Variants in POLH observed in about 807,000 individuals in gnomAD.
POLH encodes DNA polymerase eta.
A neutral mutation model predicts 73.6 loss-of-function variants in POLH; 53 were observed. The observed-to-expected ratio is 0.72, with a 90% CI of 0.58 to 0.91. The LOEUF (loss-of-function observed/expected upper bound fraction) is 0.91, where lower values mean the gene tolerates loss of function less well. Among genes scored for constraint, POLH ranks in the 40% least tolerant of loss-of-function variants. The probability of loss-of-function intolerance (pLI) is 0.00; values close to 1 mark genes in which losing one functional copy is unlikely to be tolerated. For missense variants in POLH, 768 were observed against 865.4 expected (o/e 0.89, Z 1.41); for synonymous variants, 292 against 308.5 (o/e 0.95, Z 0.56).
chr6:43,577,321 T>G (rs1763472207), intron 1 of POLH, among the ~76,000 whole-genome samples: 1 of 152,362 alleles, frequency 6.6e-6, no homozygotes, highest in African/African-American at 2.4e-5. Context: ...AATCACTGCT[T>G]CCTATTCTTG....
At chr6:43,585,153 C>CA (rs1404733085) in intron 3 of POLH, among the ~76,000 whole-genome samples, 1 of 151,956 alleles carries the variant, frequency 6.6e-6, no homozygotes, top group African/African-American at 2.4e-5. Flanking sequence ...GAGATCCTGT[C>CA]AAAAAGAAGA....
chr6:43,583,390 G>A (rs922734517), intron 3 of POLH, among the ~76,000 whole-genome samples: 6 of 152,104 alleles, frequency 3.9e-5, no homozygotes, highest in African/African-American at 1.4e-4. Context: ...GTTCAAAATT[G>A]GTTGTTAAAT....
intron 1 of POLH, chr6:43,578,472 A>G (rs1196268679): frequency 2.3e-6 from 1 of 437,270 alleles, no homozygotes; most frequent in Non-Finnish European, 4.6e-6. Context: ...GAAGTCAAAT[A>G]TCAGTAGTAT....
In POLH at chr6:43,614,394, A is replaced by G. The variant is rs1045727518; in HGVS notation, c.1979A>G (p.Gln660Arg). The part of the protein sequence containing the change: ...HMDYHFALEL[Q>R]KSFLQPHSSN... ...GACTATCATTTTGCATTGGAGTTGCAGAAATCCTTTTTGCAGCCCCACTCT... is the reference window on the plus strand; with the variant it reads ...GACTATCATTTTGCATTGGAGTTGCGGAAATCCTTTTTGCAGCCCCACTCT... Residue 660 changes from glutamine to arginine, a missense_variant, in exon 11 of 11, where the codon CAG (glutamine) becomes CGG (arginine). Coordinates refer to ENST00000372236, the MANE Select transcript of POLH (RefSeq NM_006502.3). 1.2e-6 allele frequency: 2 copies of G among 1,614,214 alleles called. No homozygotes were observed. The highest frequency in any genetic ancestry group is 2.2e-5 in the South Asian group (2 of 91,088).
intron 3 of POLH, 99 bp downstream of exon 3, chr6:43,583,240 ACCGG>A: frequency 9.0e-7 from 1 of 1,111,122 alleles, no homozygotes; most frequent in African/African-American, 1.6e-5. Flanking sequence ...TGTAAATAAC[ACCGG>A]AAAAAATTCT....
chr6:43,597,592 CTT>C, intron 4 of POLH, 102 bp from the exon 5 acceptor site: 1 of 1,128,684 alleles, frequency 8.9e-7, no homozygotes, highest in Non-Finnish European at 1.3e-6. Flanking sequence ...TTTGTGAAAA[CTT>C]ATATGTCTAA....
intron 5 of POLH, among the ~76,000 whole-genome samples, chr6:43,600,704 T>C (rs1464239568): frequency 6.6e-6 from 1 of 152,012 alleles, no homozygotes; most frequent in Admixed American, 6.6e-5. Context: ...CCTCTTGAAG[T>C]AGGAATAGAT....
chr6:43,580,796 G>C (rs1199628426), intron 1 of POLH, among the ~76,000 whole-genome samples: 1 of 134,244 alleles, frequency 7.4e-6, no homozygotes, highest in Admixed American at 7.0e-5. Context: ...CGGACTGGGC[G>C]GCTGGCCGGG....
chr6:43,587,070 G>C (rs957077418), intron 3 of POLH, among the ~76,000 whole-genome samples: 2 of 152,050 alleles, frequency 1.3e-5, no homozygotes, highest in Non-Finnish European at 2.9e-5. Context: ...GTTTGCCTCC[G>C]TGATTCTTCC....
At position 43,618,281 on chromosome 6, in the gene POLH, G is replaced by A. The variant is rs1231636799; in HGVS notation, c.*3724G>A. On this transcript the variant is annotated 3_prime_UTR_variant, in exon 11 of 11. Coordinates refer to ENST00000372236, the MANE Select transcript of POLH (RefSeq NM_006502.3). ...AGCAATTCTCCTGCCTCAGCTTCCCGAATAGCTGAGACTACAAGCGTGCAC... is the reference window on the plus strand; with the variant it reads ...AGCAATTCTCCTGCCTCAGCTTCCCAAATAGCTGAGACTACAAGCGTGCAC... Among the ~76,000 whole-genome samples, 3 of 151,854 alleles carry A rather than the reference G, an allele frequency of 2.0e-5. No homozygotes were observed. The highest frequency in any genetic ancestry group is 4.4e-5 in the Non-Finnish European group (3 of 67,984).
intron 1 of POLH, among the ~76,000 whole-genome samples, chr6:43,577,521 G>A (rs925050567): frequency 4.6e-5 from 7 of 152,040 alleles, no homozygotes; most frequent in Non-Finnish European, 7.4e-5. Context: ...AGGCGTGGTC[G>A]ATTGGAATTT....
intron 8 of POLH, among the ~76,000 whole-genome samples, 167 bp from the exon 9 acceptor site, chr6:43,605,087 A>G (rs1215673942): frequency 1.3e-5 from 2 of 152,196 alleles, no homozygotes; most frequent in African/African-American, 4.8e-5. Flanking sequence ...GAGCTAGGGC[A>G]GGACAGAAGG....
At chr6:43,596,101 G>A (rs1766019744) in intron 4 of POLH, among the ~76,000 whole-genome samples, 1 of 152,154 alleles carries the variant, frequency 6.6e-6, no homozygotes, top group Non-Finnish European at 1.5e-5. Flanking sequence ...AGCTAGAATA[G>A]TTGAAGGAGA....
intron 4 of POLH, among the ~76,000 whole-genome samples, chr6:43,590,470 T>G (rs1765336474): frequency 6.6e-6 from 1 of 151,964 alleles, no homozygotes; most frequent in Non-Finnish European, 1.5e-5. Flanking sequence ...GTTTTGGTTT[T>G]TGTTTTTCTT....
chr6:43,605,830 GCCTCA>G (rs1767225471), intron 9 of POLH, among the ~76,000 whole-genome samples: 1 of 151,812 alleles, frequency 6.6e-6, no homozygotes, highest in Non-Finnish European at 1.5e-5. Flanking sequence ...TGATTCTCCT[GCCTCA>G]CCTTCCCAAG....
rs1258311543 is a variant in POLH at position 43,616,835 on chromosome 6, C to T, written c.*2278C>T. ...ATTGGCCTATCTCTTGCGTTTTGTT[C>T]TAATGTAGAATTAGATTGCTACTTG... is the stretch of plus-strand genomic sequence containing the variant. On this transcript the variant is annotated 3_prime_UTR_variant, in exon 11 of 11. Transcript: ENST00000372236. Among the ~76,000 whole-genome samples, 4 of 152,192 alleles carry T rather than the reference C, an allele frequency of 2.6e-5. No individual in the cohort carries two copies. Among genetic ancestry groups the T allele is most frequent in the Non-Finnish European group, 5.9e-5 (4 of 68,040 alleles).
intron 1 of POLH, chr6:43,578,370 A>G (rs868773876): frequency 2.3e-6 from 1 of 428,252 alleles, no homozygotes. Flanking sequence ...CTGCGCAACG[A>G]GAACGAAACT....
chr6:43,605,050 CA>C (rs1175134428), intron 8 of POLH, among the ~76,000 whole-genome samples: 2 of 152,000 alleles, frequency 1.3e-5, no homozygotes, highest in Non-Finnish European at 2.9e-5. Context: ...TGATGGCAAA[CA>C]AGCAGGAAAA....
intron 1 of POLH, among the ~76,000 whole-genome samples, chr6:43,580,993 AC>A (rs1200040379): frequency 1.3e-3 from 103 of 82,024 alleles, no homozygotes; most frequent in South Asian, 4.6e-3. Context: ...CGGGGGGCTG[AC>A]CCCCCCCCAC....
Sources: gnomAD v4.1 joint callset for allele counts (sites outside exome capture counted in the v4.1 genomes callset) on GRCh38, gnomAD v4.1.1 for gene constraint, MANE v1.5 for transcripts, NCBI Gene and HGNC (gene_info 2026-07-23, HGNC 2026-07-21) for gene names.